The following ARSF variants were observed in gnomAD, a reference collection of about 807,000 sequenced individuals.
The protein encoded by ARSF is arylsulfatase F.
A neutral mutation model predicts 35.4 loss-of-function variants in ARSF; 33 were observed. The ratio of observed to expected loss-of-function variants is 0.93; its 90% CI spans 0.71 to 1.25. The LOEUF (loss-of-function observed/expected upper bound fraction) is 1.25. Ranked by LOEUF, ARSF falls within the 50% of genes most tolerant of loss-of-function variation. The pLI is 0.00. For missense variants in ARSF, 501 were observed against 480.2 expected, an observed-to-expected ratio of 1.04 and a Z score of -0.40; for synonymous variants, 222 against 193.1, an observed-to-expected ratio of 1.15 and a Z score of -1.24.
rs2090152438 is a variant in ARSF, at chrX:3,076,579, G to C, written c.193G>C (p.Gly65Arg). ...TCACATCGACCGCCTTGCCAGGGAAGGCGTGCGACTGACTCAGCACATCTC... is the reference window on the plus strand; with the variant it reads ...TCACATCGACCGCCTTGCCAGGGAACGCGTGCGACTGACTCAGCACATCTC... ...TPHIDRLARE[G>R]VRLTQHISAA... The change falls in exon 4 of 11, where the codon GGC becomes CGC. Residue 65 changes from glycine to arginine, a missense_variant. Physicochemically the swap from Gly to Arg is moderately radical, Grantham distance 125 (BLOSUM62 -2). Coordinates refer to ENST00000381127, the MANE Select transcript of ARSF (RefSeq NM_001201539.2). The C allele has an allele frequency of 8.3e-7, 1 of 1,207,064 alleles. No individual in the cohort carries two copies. Among genetic ancestry groups the C allele is most frequent in the Non-Finnish European group, 1.1e-6 (1 of 894,302 alleles).
chrX:3,080,849 A>T, intron 4 of ARSF, 42 bp from the exon 5 acceptor site: 1 of 1,201,216 alleles, frequency 8.3e-7, no homozygotes, highest in Non-Finnish European at 1.1e-6. Context: ...TTCCCTCTGT[A>T]GCAACACCTA....
intron 9 of ARSF, among the ~76,000 whole-genome samples, chrX:3,108,928 A>G (rs748547312): frequency 1.8e-4 from 20 of 111,304 alleles, no homozygotes; most frequent in Non-Finnish European, 3.6e-4. Flanking sequence ...AGGCAGGAGA[A>G]TTGCTTGAAC....
intron 1 of ARSF, among the ~76,000 whole-genome samples, chrX:3,055,369 AATATTGT>A (rs1396792657): frequency 3.7e-5 from 4 of 107,072 alleles, no homozygotes; most frequent in African/African-American, 1.4e-4. Flanking sequence ...AAAAAAATCT[AATATTGT>A]CCCCAATTCC....
intron 1 of ARSF, among the ~76,000 whole-genome samples, chrX:3,051,823 T>C (rs185697026): frequency 9.0e-6 from 1 of 110,723 alleles, no homozygotes; most frequent in East Asian, 2.9e-4. Flanking sequence ...CGAGACCTTG[T>C]CTCTACAAAA....
chrX:3,080,186 T>A (rs2147508301), intron 4 of ARSF, among the ~76,000 whole-genome samples: 1 of 89,555 alleles, frequency 1.1e-5, no homozygotes, highest in Admixed American at 1.3e-4. Flanking sequence ...AAAGAAAAGG[T>A]CTTTTTTGGC....
At chrX:3,076,770 C>A in intron 4 of ARSF, 101 bp downstream of exon 4, 1 of 1,053,281 alleles carries the variant, frequency 9.5e-7, no homozygotes, top group Non-Finnish European at 1.3e-6. Flanking sequence ...AAGGGCTGGG[C>A]ACGATGGCTC....
chrX:3,106,620 G>A (rs1479155295), intron 9 of ARSF, among the ~76,000 whole-genome samples: 1 of 112,049 alleles, frequency 8.9e-6, no homozygotes, highest in African/African-American at 3.2e-5. Flanking sequence ...AAGCCAAATA[G>A]TTATTTATTT....
chrX:3,057,308 C>G (rs192491612), intron 1 of ARSF, among the ~76,000 whole-genome samples: 3 of 111,690 alleles, frequency 2.7e-5, no homozygotes, highest in Non-Finnish European at 3.8e-5. Flanking sequence ...GTTTTTTTCC[C>G]CAGAAACTCT....
intron 1 of ARSF, among the ~76,000 whole-genome samples, chrX:3,057,796 C>G (rs766823601): frequency 9.2e-4 from 103 of 111,588 alleles, no homozygotes; most frequent in African/African-American, 3.1e-3. Context: ...ACAGTAAAGT[C>G]TGCCATGTGT....
At chrX:3,092,660 A>G (rs1356078496) in intron 7 of ARSF, among the ~76,000 whole-genome samples, 1 of 112,447 alleles carries the variant, frequency 8.9e-6, no homozygotes, top group African/African-American at 3.2e-5. Context: ...GAGGTTTTGA[A>G]TGTTTTGTCC....
chrX:3,047,327 C>T (rs1221257328), intron 1 of ARSF, among the ~76,000 whole-genome samples: 3 of 110,159 alleles, frequency 2.7e-5, no homozygotes, highest in Non-Finnish European at 5.7e-5. Flanking sequence ...TACAGGCACA[C>T]GCCACCATGC....
At chrX:3,067,161 C>T (rs1204079949) in intron 1 of ARSF, among the ~76,000 whole-genome samples, 8 of 102,058 alleles carry the variant, frequency 7.8e-5, no homozygotes, top group African/African-American at 1.1e-4. Flanking sequence ...AGTGTGCGTG[C>T]GTGTGTGTCT....
At chrX:3,109,058 G>A (rs760586799) in intron 9 of ARSF, among the ~76,000 whole-genome samples, 1 of 110,848 alleles carries the variant, frequency 9.0e-6, no homozygotes, top group Admixed American at 9.6e-5. Context: ...GGTGGCTCAC[G>A]CTTATAATCC....
intron 7 of ARSF, among the ~76,000 whole-genome samples, chrX:3,098,055 C>T (rs2090349697): frequency 9.5e-6 from 1 of 105,183 alleles, no homozygotes; most frequent in Admixed American, 1.0e-4. Flanking sequence ...ACAACACACA[C>T]ACACACACAC....
At chrX:3,051,512 T>C (rs756186789) in intron 1 of ARSF, among the ~76,000 whole-genome samples, 4 of 112,341 alleles carry the variant, frequency 3.6e-5, no homozygotes, top group African/African-American at 1.3e-4. Flanking sequence ...ATGGTTCATG[T>C]AGGACCTGCT....
chrX:3,064,963 A>G (rs1023603517), intron 1 of ARSF, among the ~76,000 whole-genome samples: 2 of 111,544 alleles, frequency 1.8e-5, no homozygotes, highest in African/African-American at 6.5e-5. Context: ...GTATATACCC[A>G]AAGCATTATA....
intron 7 of ARSF, among the ~76,000 whole-genome samples, chrX:3,098,025 A>G (rs947551789): frequency 2.2e-5 from 2 of 90,954 alleles, no homozygotes; most frequent in African/African-American, 8.4e-5. Context: ...AATAAAATAT[A>G]TATATATACA....
intron 9 of ARSF, among the ~76,000 whole-genome samples, chrX:3,105,982 C>T (rs980853984): frequency 8.9e-6 from 1 of 111,816 alleles, no homozygotes; most frequent in Non-Finnish European, 1.9e-5. Context: ...CTGCCAAGTT[C>T]CAGCCGTTGT....
At chrX:3,085,591 G>A (rs201459753) in intron 6 of ARSF, among the ~76,000 whole-genome samples, 1 of 110,222 alleles carries the variant, frequency 9.1e-6, no homozygotes, top group Admixed American at 9.8e-5. Context: ...AATTTTCAAG[G>A]GTATCTATCC....
Sources: gnomAD v4.1 joint callset for allele counts (sites outside exome capture counted in the v4.1 genomes callset) on GRCh38, gnomAD v4.1.1 for gene constraint, MANE v1.5 for transcripts, NCBI Gene and HGNC (gene_info 2026-07-23, HGNC 2026-07-21) for gene names.